GPRC5C: variants seen among roughly 807,000 people sequenced by gnomAD.
GPRC5C encodes the protein G protein-coupled receptor class C group 5 member C.
GPRC5C carries 22 observed loss-of-function variants against 31.4 expected under a neutral mutation model. The observed-to-expected ratio is 0.70, with a 90% CI of 0.50 to 1.00. The LOEUF (loss-of-function observed/expected upper bound fraction) is 1.00. Among genes scored for constraint, GPRC5C ranks in the 50% least tolerant of loss-of-function variants. The pLI, the probability that GPRC5C is intolerant of heterozygous loss-of-function variation, is 0.00. For missense variants in GPRC5C, 557 were observed against 597.2 expected, an observed-to-expected ratio of 0.93 and a Z score of 0.70; for synonymous variants, 249 against 257.5, an observed-to-expected ratio of 0.97 and a Z score of 0.32.
intron 3 of GPRC5C, among the ~76,000 whole-genome samples, chr17:74,445,005 T>G (rs1183598670): frequency 1.3e-5 from 2 of 152,146 alleles, no homozygotes; most frequent in Non-Finnish European, 2.9e-5. Flanking sequence ...ATCCCAGTAC[T>G]TTGAGAGGCT....
At chr17:74,436,052 C>T (rs2055427394) in intron 1 of GPRC5C, among the ~76,000 whole-genome samples, 1 of 152,176 alleles carries the variant, frequency 6.6e-6, no homozygotes, top group Non-Finnish European at 1.5e-5. Flanking sequence ...TTCCTAAAAG[C>T]GCAACCCTGG....
chr17:74,434,612 C>T (rs2144403091), intron 1 of GPRC5C, among the ~76,000 whole-genome samples: 1 of 152,334 alleles, frequency 6.6e-6, no homozygotes, highest in East Asian at 1.9e-4. Context: ...TTGTCAGTCC[C>T]TTAGCCACCA....
Position 74,446,949 on chromosome 17 carries a change from C to G in GPRC5C, c.1247C>G (p.Ala416Gly), listed in dbSNP as rs773792582. The change falls in exon 4 of 4, where the codon GCC (alanine) becomes GGC (glycine). Residue 416 changes from alanine to glycine, a missense_variant. Coordinates refer to ENST00000392627, the MANE Select transcript of GPRC5C (RefSeq NM_022036.4). ...STLRAEDMYS[A>G]QSHQAATPPK... ...CTGCGGGCTGAAGACATGTACTCGG[C>G]CCAGAGCCACCAGGCGGCCACACCG... 1.9e-6 allele frequency: 3 copies of G among 1,614,068 alleles called. No individual in the cohort carries two copies. The East Asian group carries it at 6.7e-5, about 36-fold the overall frequency.
rs2055654465 is a variant in GPRC5C at position 74,447,219 on chromosome 17, G to A, written c.*191G>A. On this transcript the variant is annotated 3_prime_UTR_variant, in exon 4 of 4. Coordinates refer to ENST00000392627, the MANE Select transcript of GPRC5C (RefSeq NM_022036.4). ...TGTCCCCACCCACTCCTCAGTGTTT[G>A]TGGAGTCGAGGAGCCAACCCCAGCC... 3.0e-6 allele frequency: 4 copies of A among 1,351,544 alleles called. No homozygotes were observed. In the South Asian group the frequency reaches 7.4e-5, roughly 25 times the overall value. 83.7% of individuals were successfully genotyped at this position (1,351,544 alleles called of 1,614,324 possible).
chr17:74,438,924 C>G (rs1298791935), intron 1 of GPRC5C, among the ~76,000 whole-genome samples: 2 of 152,164 alleles, frequency 1.3e-5, no homozygotes, highest in African/African-American at 4.8e-5. Context: ...GTGAAAATTA[C>G]CTTGCTGGTG....
At chr17:74,448,632 G>A (rs1435406269), downstream of GPRC5C, among the ~76,000 whole-genome samples, 1 of 152,148 alleles carries the variant, frequency 6.6e-6, no homozygotes, top group African/African-American at 2.4e-5. Flanking sequence ...GCCCACCTCA[G>A]CCTCCTGGAG....
intron 1 of GPRC5C, among the ~76,000 whole-genome samples, chr17:74,434,688 T>C (rs2055405884): frequency 1.3e-5 from 2 of 152,112 alleles, no homozygotes; most frequent in African/African-American, 2.4e-5. Flanking sequence ...TTTGAGAGGC[T>C]GAGGTAGGTG....
chr17:74,432,686 A>C (rs1268600561), intron 1 of GPRC5C, among the ~76,000 whole-genome samples: 2 of 132,044 alleles, frequency 1.5e-5, no homozygotes, highest in African/African-American at 5.7e-5. Flanking sequence ...CCGGCTGGGG[A>C]CTGGGGGGGT....
chr17:74,444,595 C>T (rs894477107), intron 3 of GPRC5C, among the ~76,000 whole-genome samples: 2 of 152,118 alleles, frequency 1.3e-5, no homozygotes, highest in African/African-American at 2.4e-5. Flanking sequence ...AGCTGGGTGG[C>T]GTTCTCATCC....
At chr17:74,449,426 G>C, downstream of GPRC5C, 2 of 1,069,016 alleles carry the variant, frequency 1.9e-6, no homozygotes, top group South Asian at 1.3e-5. Flanking sequence ...ACCCAGGCTG[G>C]ACCGGGCCCA....
intron 1 of GPRC5C, among the ~76,000 whole-genome samples, chr17:74,435,766 G>C (rs1418871102): frequency 1.3e-5 from 2 of 152,242 alleles, no homozygotes. Context: ...GCAGGGTACA[G>C]GCAAGTATTT....
intron 1 of GPRC5C, among the ~76,000 whole-genome samples, chr17:74,438,205 T>TCA (rs1225598640): frequency 8.3e-5 from 4 of 48,284 alleles, no homozygotes; most frequent in African/African-American, 1.7e-4. Flanking sequence ...CTCTGCTAAT[T>TCA]CATATATATA....
chr17:74,449,312 C>G (rs2055687530), downstream of GPRC5C: 2 of 1,292,978 alleles, frequency 1.5e-6, no homozygotes, highest in Non-Finnish European at 2.0e-6. Flanking sequence ...CCCTTTGACT[C>G]TTGTTCTTTC....
At chr17:74,446,692 G>T (rs1171842867) in intron 3 of GPRC5C, 157 bp from the exon 4 acceptor site, 3 of 617,140 alleles carry the variant, frequency 4.9e-6, no homozygotes, top group Non-Finnish European at 5.7e-6. Flanking sequence ...GGCTGTCCCA[G>T]GCTGCTCCTG....
intron 2 of GPRC5C, among the ~76,000 whole-genome samples, chr17:74,442,508 G>A (rs993156072): frequency 6.6e-6 from 1 of 152,158 alleles, no homozygotes; most frequent in Admixed American, 6.5e-5. Flanking sequence ...ACATGACCTG[G>A]AAATTTGGGG....
chr17:74,440,338 C>T lies in GPRC5C; in HGVS notation c.562C>T (p.Pro188Ser), dbSNP rs373445888. ...TLVRGSGEGG[P>S]QGNSSAGWAV... ...GGTTCGGGGCAGTGGCGAGGGCGGC[C>T]CTCAGGGCAACAGCAGCGCAGGCTG... Residue 188 changes from proline (P) to serine (S), a missense_variant, in exon 2 of 4, where the codon CCT becomes TCT. By Grantham distance (74) the Pro-to-Ser change is moderately conservative (BLOSUM62 -1). Coordinates refer to ENST00000392627, the MANE Select transcript of GPRC5C (RefSeq NM_022036.4). The surrounding 1 kb of genome is among the most constrained non-coding windows in gnomAD (Gnocchi z 4.4). 4.2e-5 allele frequency: 67 copies of T among 1,614,044 alleles called. No homozygotes were observed. Among genetic ancestry groups the T allele is most frequent in the Non-Finnish European group, 5.6e-5 (66 of 1,180,028 alleles).
At chr17:74,446,437 G>A (rs1411769347) in intron 3 of GPRC5C, 1 of 156,462 alleles carries the variant, frequency 6.4e-6, no homozygotes. Flanking sequence ...GGGCGACAGA[G>A]CGAGACTCCG....
At chr17:74,446,659 G>A in intron 3 of GPRC5C, 190 bp from the exon 4 acceptor site, 2 of 574,644 alleles carry the variant, frequency 3.5e-6, no homozygotes, top group South Asian at 4.3e-5. Flanking sequence ...CCAGAGGCAG[G>A]GTGAGATAAG....
chr17:74,448,202 G>A (rs2055671133), downstream of GPRC5C, among the ~76,000 whole-genome samples: 1 of 152,032 alleles, frequency 6.6e-6, no homozygotes, highest in Non-Finnish European at 1.5e-5. Flanking sequence ...TCAAGGGGGT[G>A]AGGTGGGAGG....
Sources: allele counts gnomAD v4.1 joint callset (sites outside exome capture counted in the v4.1 genomes callset), GRCh38; gene constraint gnomAD v4.1.1; non-coding constraint Gnocchi (gnomAD v3.1); transcripts MANE v1.5; gene names NCBI Gene and HGNC (gene_info 2026-07-23, HGNC 2026-07-21).